Variants in ZDHHC1 observed in about 807,000 individuals in gnomAD.
ZDHHC1 encodes zDHHC palmitoyltransferase 1.
A neutral mutation model predicts 46.9 loss-of-function variants in ZDHHC1; 45 were observed. The ratio of observed to expected loss-of-function variants is 0.96; its 90% CI spans 0.76 to 1.23. The LOEUF (loss-of-function observed/expected upper bound fraction) is 1.23. Among genes scored for constraint, ZDHHC1 ranks in the 50% most tolerant of loss-of-function variants. The probability of loss-of-function intolerance (pLI) is 0.00; values close to 1 mark genes in which losing one functional copy is unlikely to be tolerated. For missense variants in ZDHHC1, 649 were observed against 670.8 expected, an observed-to-expected ratio of 0.97 and a Z score of 0.36; for synonymous variants, 291 against 286.0, an observed-to-expected ratio of 1.02 and a Z score of -0.18.
chr16:67,407,739 C>G (rs1159953072), intron 2 of ZDHHC1, 28 bp downstream of exon 2: 1 of 781,022 alleles, frequency 1.3e-6, no homozygotes. Context: ...TCCCCTATGT[C>G]CCTTCCCCCA....
chr16:67,398,734 G>A lies in ZDHHC1; in HGVS notation c.656-3C>T. The A allele has an allele frequency of 1.2e-6, 2 of 1,610,092 alleles. No homozygotes were observed. The highest frequency in any genetic ancestry group is 1.7e-6 in the Non-Finnish European group (2 of 1,178,578). ...CACATCCGTGTGATTCTTCAGGACT[G>A]CAAGGCACAGGCAGTGTGTGCTCAG... is the stretch of plus-strand genomic sequence containing the variant. On this transcript the variant is annotated splice_region_variant and splice_polypyrimidine_tract_variant and intron_variant, in intron 6 of 11. Coordinates refer to ENST00000565726, the MANE Select transcript of ZDHHC1 (RefSeq NM_001323627.2).
intron 10 of ZDHHC1, 52 bp from the exon 11 acceptor site, chr16:67,395,114 G>A: frequency 6.2e-7 from 1 of 1,613,260 alleles, no homozygotes. Flanking sequence ...AAGAAGCAGA[G>A]GCGAGCGCCA....
At chr16:67,398,108 C>A in intron 8 of ZDHHC1, 104 bp downstream of exon 8, 1 of 1,139,688 alleles carries the variant, frequency 8.8e-7, no homozygotes, top group African/African-American at 1.5e-5. Context: ...CCCCCAGCGG[C>A]TGTTCCAGGC....
chr16:67,404,730 G>T (rs1489927804), intron 3 of ZDHHC1: 1 of 455,948 alleles, frequency 2.2e-6, no homozygotes, highest in Non-Finnish European at 4.4e-6. Context: ...ATTAGGAAAT[G>T]GGGAGAATAC....
intron 8 of ZDHHC1, 43 bp from the exon 9 acceptor site, chr16:67,395,609 G>T: frequency 2.6e-6 from 4 of 1,539,010 alleles, no homozygotes; most frequent in Non-Finnish European, 8.8e-7. Context: ...GCCAGGTGTG[G>T]CTCCCGAGCC....
intron 9 of ZDHHC1, 93 bp downstream of exon 9, chr16:67,395,391 T>C (rs1567514531): frequency 1.3e-6 from 2 of 1,532,140 alleles, no homozygotes; most frequent in Non-Finnish European, 1.8e-6. Flanking sequence ...GCCTGACCCA[T>C]GCCCCGACCT....
chr16:67,401,001 T>G lies in ZDHHC1; in HGVS notation c.384A>C (p.Ala128=). 1 of 1,614,140 alleles carries G rather than the reference T, an allele frequency of 6.2e-7. No homozygotes were observed. The highest frequency in any genetic ancestry group is 8.5e-7 in the Non-Finnish European group (1 of 1,180,026). The change falls in exon 4 of 12, where the codon GCA becomes GCC. Residue 128 remains alanine (A), a synonymous_variant. Coordinates refer to ENST00000565726, the MANE Select transcript of ZDHHC1 (RefSeq NM_001323627.2). The surrounding 1 kb of genome is among the most constrained non-coding windows in gnomAD (Gnocchi z 4.6). The part of the protein sequence containing the change: ...PLPIFNRSQH[A]HVIEDLHCNL... ...TGCAGTGCAGGTCTTCAATGACATG[T>G]GCGTGCTGGCTTCGGTTGAAGATGG...
In ZDHHC1 at chr16:67,394,701, A is replaced by T; in HGVS notation, c.1358T>A (p.Leu453Gln). Residue 453 changes from leucine (L) to glutamine (Q), a missense_variant, in exon 12 of 12, where the codon CTG becomes CAG. By Grantham distance (113) the Leu-to-Gln change is moderately radical. Coordinates refer to ENST00000565726, the MANE Select transcript of ZDHHC1 (RefSeq NM_001323627.2). ...APRGRGRQPT[L>Q]ARQARAPAVF... ...GGCGGGCGCACGCGCCTGCCGCGCC[A>T]GCGTGGGCTGTCGGCCCCGGCCCCG... The T allele has an allele frequency of 7.5e-7, 1 of 1,325,506 alleles. No individual in the cohort carries two copies. The highest frequency in any genetic ancestry group is 9.6e-7 in the Non-Finnish European group (1 of 1,043,318). The allele number at this position is 1,325,506 out of a possible 1,614,324, so 82.1% of individuals were successfully genotyped here. A position where few individuals can be genotyped will look rare whatever the true frequency, so the allele number is the denominator to read the frequency against.
At chr16:67,411,678 G>A (rs1286524925) in intron 1 of ZDHHC1, among the ~76,000 whole-genome samples, 1 of 152,016 alleles carries the variant, frequency 6.6e-6, no homozygotes, top group African/African-American at 2.4e-5. Flanking sequence ...ATAAACTATG[G>A]CACATCCATA....
chr16:67,411,277 T>A (rs1256826784), intron 1 of ZDHHC1, among the ~76,000 whole-genome samples: 1 of 152,020 alleles, frequency 6.6e-6, no homozygotes, highest in East Asian at 1.9e-4. Flanking sequence ...GACAAGGAAC[T>A]GGGAGGGCAG....
intron 1 of ZDHHC1, among the ~76,000 whole-genome samples, chr16:67,412,377 C>T (rs1382662363): frequency 2.0e-5 from 3 of 152,056 alleles, no homozygotes; most frequent in Admixed American, 1.3e-4. Context: ...GGGGATGTCA[C>T]CTCCTGCCTT....
intron 1 of ZDHHC1, among the ~76,000 whole-genome samples, chr16:67,411,326 AGGT>A (rs2040744883): frequency 6.6e-6 from 1 of 152,194 alleles, no homozygotes; most frequent in South Asian, 2.1e-4. Context: ...GGGTTGAAGC[AGGT>A]GCTTGGAGGG....
In ZDHHC1 at chr16:67,395,468, C is replaced by A; in HGVS notation, c.1010+16G>T. On this transcript the variant is annotated intron_variant, in intron 9 of 11. Coordinates refer to ENST00000565726, the MANE Select transcript of ZDHHC1 (RefSeq NM_001323627.2). ...AACTGGAGATGCCCAGTGGCACATG[C>A]CCAGGTTGCACTCACTTGGCATTCA... 1 of 1,551,478 alleles carries A rather than the reference C, an allele frequency of 6.4e-7. No homozygotes were observed. The highest frequency in any genetic ancestry group is 8.7e-7 in the Non-Finnish European group (1 of 1,147,180).
Position 67,394,727 on chromosome 16 carries a change from CG to C in ZDHHC1, c.1331del (p.Pro444ArgfsTer21). ...TRLGSAALAA[P>X]RGRGRQPTLA... is the part of the protein sequence containing the mutation. ...GCGTGGGCTGTCGGCCCCGGCCCCG[CG>C]GGGCGGCCAGAGCGGCGCTGCCCAG... On this transcript the variant is annotated frameshift_variant, in exon 12 of 12. Transcript: ENST00000565726. LOFTEE classifies it low-confidence loss of function (END_TRUNC). 1.4e-6 allele frequency: 2 copies of C among 1,384,032 alleles called. No homozygotes were observed. The highest frequency in any genetic ancestry group is 3.2e-5 in the South Asian group (2 of 62,328). 85.7% of individuals were successfully genotyped at this position (1,384,032 alleles called of 1,614,324 possible). A position where few individuals can be genotyped will look rare whatever the true frequency, so the allele number is the denominator to read the frequency against.
rs1346924436 is a variant in ZDHHC1 at position 67,406,932 on chromosome 16, C to T, written c.10-490G>A. Among the ~76,000 whole-genome samples the T allele has an allele frequency of 6.6e-6, 1 of 152,164 alleles. No individual in the cohort carries two copies. Among genetic ancestry groups the T allele is most frequent in the Non-Finnish European group, 1.5e-5 (1 of 68,024 alleles). On this transcript the variant is annotated intron_variant, in intron 2 of 11. Coordinates refer to ENST00000565726, the MANE Select transcript of ZDHHC1 (RefSeq NM_001323627.2). The surrounding 1 kb of genome is among the most constrained non-coding windows in gnomAD (Gnocchi z 4.1). ...ATGGGGTGCCCAGAAGGAGGATCTGCCCTCTCCCCCACGGTGGACAGAAAA... is the reference window on the plus strand; with the variant it reads ...ATGGGGTGCCCAGAAGGAGGATCTGTCCTCTCCCCCACGGTGGACAGAAAA...
At chr16:67,399,038 A>G (rs1432077554) in intron 5 of ZDHHC1, 94 bp from the exon 6 acceptor site, 40 of 1,490,688 alleles carry the variant, frequency 2.7e-5, no homozygotes, top group Admixed American at 1.6e-4. Flanking sequence ...CTATGGGCTC[A>G]GAGGGCTGAG....
rs1314749760 is a variant in ZDHHC1, at chr16:67,401,508, A to T, written c.253-376T>A. Among the ~76,000 whole-genome samples the T allele has an allele frequency of 6.6e-6, 1 of 152,162 alleles. No homozygotes were observed. Among genetic ancestry groups the T allele is most frequent in the Non-Finnish European group, 1.5e-5 (1 of 68,034 alleles). On this transcript the variant is annotated intron_variant, in intron 3 of 11. Transcript: ENST00000565726. The surrounding 1 kb of genome is among the most constrained non-coding windows in gnomAD (Gnocchi z 4.6). Reference sequence around the variant, plus strand: ...AAATGGTGATGTGAGACTGAAAGAGATCAACCCCACCTAAGGTCCAAGAAC... The same window carrying T: ...AAATGGTGATGTGAGACTGAAAGAGTTCAACCCCACCTAAGGTCCAAGAAC...
intron 4 of ZDHHC1, 136 bp downstream of exon 4, chr16:67,400,821 C>T: frequency 1.0e-6 from 1 of 984,794 alleles, no homozygotes; most frequent in Non-Finnish European, 1.5e-6. Flanking sequence ...AATACTCTGT[C>T]ACGCCATCAA....
At chr16:67,400,840 A>G in intron 4 of ZDHHC1, 117 bp downstream of exon 4, 1 of 1,224,522 alleles carries the variant, frequency 8.2e-7, no homozygotes, top group Non-Finnish European at 1.1e-6. Context: ...AAGGTTCTTG[A>G]CTGCATAAAA....
Sources: allele counts gnomAD v4.1 joint callset (sites outside exome capture counted in the v4.1 genomes callset), GRCh38; gene constraint gnomAD v4.1.1; non-coding constraint Gnocchi (gnomAD v3.1); transcripts MANE v1.5; gene names NCBI Gene and HGNC (gene_info 2026-07-23, HGNC 2026-07-21).